SHISA6: variants seen among roughly 807,000 people sequenced by gnomAD.
SHISA6 encodes the protein shisa family member 6, also known as protein shisa-6.
Under a neutral mutation model 47.9 loss-of-function variants are expected in SHISA6, and 22 were observed. The ratio of observed to expected loss-of-function variants is 0.46; its 90% CI spans 0.33 to 0.66. The LOEUF is 0.66. Among genes scored for constraint, SHISA6 ranks in the 30% least tolerant of loss-of-function variants. The pLI is 0.02. For synonymous variants in SHISA6, 388 were observed against 337.8 expected, an observed-to-expected ratio of 1.15 and a Z score of -1.63; for missense variants, 680 against 764.6, an observed-to-expected ratio of 0.89 and a Z score of 1.30.
At chr17:11,485,246 T>C (rs556808825) in intron 3 of SHISA6, among the ~76,000 whole-genome samples, 189 of 152,110 alleles carry the variant, frequency 1.2e-3, no homozygotes, top group Middle Eastern at 3.4e-3. Flanking sequence ...GACTGAGAGA[T>C]GCTGCGGCAG....
intron 3 of SHISA6, among the ~76,000 whole-genome samples, chr17:11,408,096 T>C (rs1914016057): frequency 6.6e-6 from 1 of 152,198 alleles, no homozygotes; most frequent in Non-Finnish European, 1.5e-5. Context: ...GGAGCTTGTG[T>C]CTTTAATGAA....
In SHISA6 at chr17:11,558,308, G is replaced by A; in HGVS notation, c.*4G>A. On this transcript the variant is annotated 3_prime_UTR_variant, in exon 6 of 6. Transcript: ENST00000441885. ...CAAGACCGAAGTGACCGTGTGACCG[G>A]CGGGGCAGGGCCGGGGCTGCTGGGC... is the stretch of plus-strand genomic sequence containing the variant. 1 of 1,536,596 alleles carries A rather than the reference G, an allele frequency of 6.5e-7. No homozygotes were observed. Among genetic ancestry groups the A allele is most frequent in the South Asian group, 1.2e-5 (1 of 83,902 alleles).
At position 11,281,988 on chromosome 17, in the gene SHISA6, T is replaced by G. The variant is rs529193783; in HGVS notation, c.799+18462T>G. Among the ~76,000 whole-genome samples the G allele has an allele frequency of 3.3e-5, 5 of 152,358 alleles. No individual in the cohort carries two copies. The South Asian group carries it at 1.0e-3, about 32-fold the overall frequency. On this transcript the variant is annotated intron_variant, in intron 2 of 5. Transcript: ENST00000441885. ...CAATGGTCAAATGCATAAAAGTTTT[T>G]TTTTCTCTTTTAAGAGCAATTTCAA...
chr17:11,509,228 A>G (rs1479164755), intron 3 of SHISA6, among the ~76,000 whole-genome samples: 5 of 152,178 alleles, frequency 3.3e-5, no homozygotes, highest in Non-Finnish European at 5.9e-5. Context: ...CTTCTTAGCT[A>G]CCATTGGAGC....
At chr17:11,388,955 A>T (rs1008561225) in intron 3 of SHISA6, among the ~76,000 whole-genome samples, 1 of 151,550 alleles carries the variant, frequency 6.6e-6, no homozygotes, top group African/African-American at 2.4e-5. Context: ...CCTTTCCCAT[A>T]TGGGTTCTGT....
intron 3 of SHISA6, among the ~76,000 whole-genome samples, chr17:11,399,376 G>C (rs1286280109): frequency 6.6e-6 from 1 of 152,120 alleles, no homozygotes; most frequent in Non-Finnish European, 1.5e-5. Flanking sequence ...TCACTGACAA[G>C]TATGGAATTA....
Position 11,278,229 on chromosome 17 carries a change from C to A in SHISA6, c.799+14703C>A, listed in dbSNP as rs560096413. Among the ~76,000 whole-genome samples the A allele has an allele frequency of 3.9e-5, 6 of 152,256 alleles. No individual in the cohort carries two copies. In the East Asian group the frequency reaches 1.2e-3, roughly 29 times the overall value. ...ACTCCTGGAGAGATTAGTGAAAGCT[C>A]TAAGGATGCTGTTTTTCCCTACTTT... On this transcript the variant is annotated intron_variant, in intron 2 of 5. Coordinates refer to ENST00000441885, the MANE Select transcript of SHISA6 (RefSeq NM_207386.4).
In SHISA6 at chr17:11,559,118, T is replaced by C. The variant is rs1156966442; in HGVS notation, c.*814T>C. The C allele has an allele frequency of 2.0e-5, 3 of 153,272 alleles. No homozygotes were observed. Among genetic ancestry groups the C allele is most frequent in the African/African-American group, 7.2e-5 (3 of 41,478 alleles). The allele number at this position is 153,272 out of a possible 1,614,324, so 9.5% of individuals were successfully genotyped here. A position where few individuals can be genotyped will look rare whatever the true frequency, so the allele number is the denominator to read the frequency against. On this transcript the variant is annotated 3_prime_UTR_variant, in exon 6 of 6. Transcript: ENST00000441885. The surrounding 1 kb of genome is among the most constrained non-coding windows in gnomAD (Gnocchi z 4.4). ...CTGAGGATTTCACCCTTGAGTTTTC[T>C]GGGGTTTTGGCTGTAGCCTTCGCAG... is the stretch of plus-strand genomic sequence containing the variant.
At chr17:11,415,001 G>T (rs205017) in intron 3 of SHISA6, among the ~76,000 whole-genome samples, 1 of 151,480 alleles carries the variant, frequency 6.6e-6, no homozygotes, top group African/African-American at 2.4e-5. Flanking sequence ...CAGGAGAATC[G>T]CTTGAACCTG....
intron 2 of SHISA6, among the ~76,000 whole-genome samples, chr17:11,357,594 A>T (rs912318823): frequency 2.6e-5 from 4 of 152,208 alleles, no homozygotes; most frequent in Non-Finnish European, 4.4e-5. Flanking sequence ...ACGTTATTTC[A>T]TGAGAATTTC....
At chr17:11,422,029 T>G (rs1914463897) in intron 3 of SHISA6, among the ~76,000 whole-genome samples, 1 of 152,156 alleles carries the variant, frequency 6.6e-6, no homozygotes, top group Non-Finnish European at 1.5e-5. Flanking sequence ...TGTCTCCCTT[T>G]GGCCAAATTT....
chr17:11,343,649 A>T (rs1409183289), intron 2 of SHISA6, among the ~76,000 whole-genome samples: 1 of 152,148 alleles, frequency 6.6e-6, no homozygotes, highest in Non-Finnish European at 1.5e-5. Context: ...AGATTAGCCT[A>T]TGTGATGGAA....
intron 3 of SHISA6, among the ~76,000 whole-genome samples, chr17:11,539,204 A>T (rs993215932): frequency 9.2e-5 from 14 of 152,150 alleles, no homozygotes; most frequent in African/African-American, 3.4e-4. Flanking sequence ...GGCCTCCCAA[A>T]GTGCTGGGAT....
chr17:11,350,178 A>ATTTATTTATTTTTT (rs1911828087), intron 2 of SHISA6, among the ~76,000 whole-genome samples: 1 of 101,148 alleles, frequency 9.9e-6, no homozygotes, highest in Non-Finnish European at 2.0e-5. Flanking sequence ...TTATTTATTT[A>ATTTATTTATTTTTT]TTTATTTTTT....
intron 3 of SHISA6, among the ~76,000 whole-genome samples, chr17:11,392,257 C>T (rs78863301): frequency 9.2e-5 from 14 of 152,164 alleles, no homozygotes; most frequent in Non-Finnish European, 1.9e-4. Flanking sequence ...CGCCTGAGCC[C>T]TGAATCCATT....
rs2072052954 is a variant in SHISA6, at chr17:11,562,392, T to G, written c.*4088T>G. 6.6e-6 allele frequency: 1 copy of G among 152,098 alleles called. No individual in the cohort carries two copies. Among genetic ancestry groups the G allele is most frequent in the East Asian group, 1.9e-4 (1 of 5,140 alleles). 9.4% of individuals were successfully genotyped at this position (152,098 alleles called of 1,614,324 possible). On this transcript the variant is annotated 3_prime_UTR_variant, in exon 6 of 6. Transcript: ENST00000441885. ...TGTTACCTCCCACATACATTTCCTG[T>G]CATCCTGTCCGAATCTGGGAAATTT... is the stretch of plus-strand genomic sequence containing the variant.
Position 11,515,148 on chromosome 17 carries a change from G to A in SHISA6, c.896-36748G>A, listed in dbSNP as rs2071572141. Among the ~76,000 whole-genome samples, 3 of 151,508 alleles carry A rather than the reference G, an allele frequency of 2.0e-5. No individual in the cohort carries two copies. The South Asian group carries it at 6.2e-4, about 32-fold the overall frequency. On this transcript the variant is annotated intron_variant, in intron 3 of 5. Coordinates refer to ENST00000441885, the MANE Select transcript of SHISA6 (RefSeq NM_207386.4). ...CTATCAGTGTGTCATTGGGAAGGAG[G>A]GTGACAATACCAGAAGAACCCTTAG...
intron 3 of SHISA6, among the ~76,000 whole-genome samples, chr17:11,551,108 T>C (rs1567636974): frequency 1.3e-5 from 2 of 152,124 alleles, no homozygotes; most frequent in Non-Finnish European, 2.9e-5. Flanking sequence ...CATGCAACAA[T>C]GAAAAACAAG....
intron 2 of SHISA6, among the ~76,000 whole-genome samples, chr17:11,325,014 C>A (rs762474373): frequency 1.1e-4 from 17 of 152,174 alleles, no homozygotes; most frequent in Non-Finnish European, 5.9e-5. Context: ...ACCCTGACAT[C>A]CTAGCTTCTG....
Sources: allele counts gnomAD v4.1 joint callset (sites outside exome capture counted in the v4.1 genomes callset), GRCh38; gene constraint gnomAD v4.1.1; non-coding constraint Gnocchi (gnomAD v3.1); transcripts MANE v1.5; gene names NCBI Gene and HGNC (gene_info 2026-07-23, HGNC 2026-07-21).